The following FOXP2 variants were observed in gnomAD, a reference collection of about 807,000 sequenced individuals.
FOXP2 encodes the protein forkhead box P2.
In FOXP2, 12 loss-of-function variants were observed where a neutral mutation model predicts 115.8. That is an observed-to-expected ratio of 0.10 (90% CI 0.07 to 0.17). The LOEUF (loss-of-function observed/expected upper bound fraction) is 0.17, where lower values mean the gene tolerates loss of function less well. Among genes scored for constraint, FOXP2 ranks in the 10% least tolerant of loss-of-function variants. The probability of loss-of-function intolerance (pLI) is 1.00; values close to 1 mark genes in which losing one functional copy is unlikely to be tolerated. For synonymous variants in FOXP2, 328 were observed against 297.7 expected, an observed-to-expected ratio of 1.10 and a Z score of -1.05; for missense variants, 629 against 843.5, an observed-to-expected ratio of 0.75 and a Z score of 3.15.
chr7:114,459,804 C>G (rs1584762346), intron 2 of FOXP2, among the ~76,000 whole-genome samples: 3 of 152,230 alleles, frequency 2.0e-5, no homozygotes, highest in African/African-American at 7.2e-5. Context: ...TTAGGAGAGA[C>G]AGGGATTCAC....
chr7:114,322,694 C>G (rs1276637958), intron 2 of FOXP2, among the ~76,000 whole-genome samples: 1 of 152,046 alleles, frequency 6.6e-6, no homozygotes, highest in East Asian at 1.9e-4. Context: ...TTTTCTAAGG[C>G]TAGAGTCCAC....
chr7:114,673,429 A>G (rs1807599496), intron 16 of FOXP2, among the ~76,000 whole-genome samples: 1 of 152,224 alleles, frequency 6.6e-6, no homozygotes, highest in Admixed American at 6.5e-5. Context: ...TTATAAAGTC[A>G]AATAGAGTGA....
chr7:114,368,501 G>A (rs899142180), intron 2 of FOXP2, among the ~76,000 whole-genome samples: 12 of 152,258 alleles, frequency 7.9e-5, no homozygotes, highest in Middle Eastern at 3.4e-3. Context: ...TGGAGGCTGC[G>A]TTGATCATAG....
chr7:114,408,264 G>T (rs1432467421), intron 2 of FOXP2, among the ~76,000 whole-genome samples: 1 of 151,860 alleles, frequency 6.6e-6, no homozygotes, highest in Non-Finnish European at 1.5e-5. Flanking sequence ...AAAACTTTAG[G>T]CCTTATTTTT....
intron 2 of FOXP2, among the ~76,000 whole-genome samples, chr7:114,392,617 T>G (rs1186215689): frequency 2.0e-5 from 3 of 152,146 alleles, no homozygotes; most frequent in African/African-American, 4.8e-5. Context: ...AATAATGAGC[T>G]TCCTTCCCAT....
At chr7:114,353,459 A>G (rs1305684694) in intron 2 of FOXP2, among the ~76,000 whole-genome samples, 1 of 151,016 alleles carries the variant, frequency 6.6e-6, no homozygotes, top group African/African-American at 2.4e-5. Flanking sequence ...ACTTCCAAGC[A>G]CAATTCTGAA....
intron 1 of FOXP2, among the ~76,000 whole-genome samples, chr7:114,278,929 G>GCTCAGCACACTC (rs1482574456): frequency 1.3e-5 from 2 of 152,020 alleles, no homozygotes; most frequent in East Asian, 3.9e-4. Flanking sequence ...TCAGCACACT[G>GCTCAGCACACTC]CCCAGCACAC....
chr7:114,493,009 T>A (rs943050830), intron 2 of FOXP2, among the ~76,000 whole-genome samples: 1 of 152,158 alleles, frequency 6.6e-6, no homozygotes, highest in East Asian at 1.9e-4. Flanking sequence ...GACAGTGGGA[T>A]GTTAAAGTCT....
At chr7:114,463,002 A>G (rs775010371) in intron 2 of FOXP2, 4 of 396,982 alleles carry the variant, frequency 1.0e-5, no homozygotes, top group African/African-American at 4.2e-5. Context: ...AAGATGCAGT[A>G]TATGCATTGT....
At chr7:114,510,134 T>C (rs1230620353) in intron 2 of FOXP2, among the ~76,000 whole-genome samples, 2 of 152,162 alleles carry the variant, frequency 1.3e-5, no homozygotes, top group Non-Finnish European at 2.9e-5. Flanking sequence ...GAAGTGAGAT[T>C]CATGTTGCTA....
intron 2 of FOXP2, among the ~76,000 whole-genome samples, chr7:114,441,473 A>G (rs1447334587): frequency 6.6e-6 from 1 of 152,096 alleles, no homozygotes; most frequent in African/African-American, 2.4e-5. Context: ...ATTGGAGTGG[A>G]ATGTCCACTC....
At chr7:114,390,765 C>T (rs1391969185) in intron 2 of FOXP2, among the ~76,000 whole-genome samples, 5 of 152,064 alleles carry the variant, frequency 3.3e-5, no homozygotes, top group African/African-American at 1.2e-4. Flanking sequence ...TCCATGTTCC[C>T]CAGGCTGGTC....
chr7:114,671,603 G>A (rs774594531), intron 16 of FOXP2, among the ~76,000 whole-genome samples: 1 of 151,916 alleles, frequency 6.6e-6, no homozygotes, highest in Non-Finnish European at 1.5e-5. Context: ...TTTCTCTAAC[G>A]GTCAAAAAAT....
intron 2 of FOXP2, among the ~76,000 whole-genome samples, chr7:114,437,896 A>G (rs1794426828): frequency 6.6e-6 from 1 of 152,154 alleles, no homozygotes; most frequent in Admixed American, 6.6e-5. Context: ...CATGAACGTG[A>G]CTATTCTGAA....
At chr7:114,503,316 T>C in intron 2 of FOXP2, among the ~76,000 whole-genome samples, 1 of 151,780 alleles carries the variant, frequency 6.6e-6, no homozygotes, top group East Asian at 1.9e-4. Context: ...ATCATAAAGA[T>C]TTTAAAATTT....
rs398005924 is a variant in FOXP2, at chr7:114,690,129, C to CTT, written c.*219_*220dup. ...TGCTTGTTTTCTTCTTCTTCTTCTTCTTTTTTTTTTTTTTTTTAGAAAAAA... is the reference window on the plus strand; with the variant it reads ...TGCTTGTTTTCTTCTTCTTCTTCTTCTTTTTTTTTTTTTTTTTTTAGAAAAAA... On this transcript the variant is annotated 3_prime_UTR_variant, in exon 17 of 17. Coordinates refer to ENST00000350908, the MANE Select transcript of FOXP2 (RefSeq NM_014491.4). 286 of 420,226 alleles carry CTT rather than the reference C, an allele frequency of 6.8e-4. No homozygotes were observed. Among genetic ancestry groups the CTT allele is most frequent in the Middle Eastern group, 2.3e-3 (3 of 1,282 alleles). The allele number at this position is 420,226 out of a possible 1,614,324, so 26.0% of individuals were successfully genotyped here. A position where few individuals can be genotyped will look rare whatever the true frequency, so the allele number is the denominator to read the frequency against.
chr7:114,123,782 A>G (rs530503492), intron 1 of FOXP2, among the ~76,000 whole-genome samples: 22 of 152,286 alleles, frequency 1.4e-4, no homozygotes, highest in African/African-American at 5.1e-4. Context: ...TCTTACGTAC[A>G]AAATATTTGT....
At chr7:114,124,580 G>A (rs972090824) in intron 1 of FOXP2, among the ~76,000 whole-genome samples, 19 of 152,102 alleles carry the variant, frequency 1.2e-4, no homozygotes, top group African/African-American at 4.6e-4. Flanking sequence ...TTACGTATTT[G>A]TGCTCAGGCA....
intron 2 of FOXP2, among the ~76,000 whole-genome samples, chr7:114,296,292 G>A (rs1584616319): frequency 6.6e-6 from 1 of 152,054 alleles, no homozygotes; most frequent in Non-Finnish European, 1.5e-5. Context: ...ACACTTAAGT[G>A]TATGAATCAG....
Sources: gnomAD v4.1 joint callset for allele counts (sites outside exome capture counted in the v4.1 genomes callset) on GRCh38, gnomAD v4.1.1 for gene constraint, MANE v1.5 for transcripts, NCBI Gene and HGNC (gene_info 2026-07-23, HGNC 2026-07-21) for gene names.